TKT: variants seen among roughly 807,000 people sequenced by gnomAD.
TKT encodes epididymis luminal protein 107.
In TKT, 47 loss-of-function variants were observed where a neutral mutation model predicts 63.9. The ratio of observed to expected loss-of-function variants is 0.74; its 90% CI spans 0.58 to 0.94. The LOEUF (loss-of-function observed/expected upper bound fraction) is 0.94. Among genes scored for constraint, TKT ranks in the 40% least tolerant of loss-of-function variants. The pLI, the probability that TKT is intolerant of heterozygous loss-of-function variation, is 0.00. For missense variants in TKT, 721 were observed against 846.2 expected (o/e 0.85, Z 1.84); for synonymous variants, 338 against 334.1 (o/e 1.01, Z -0.13).
intron 1 of TKT, among the ~76,000 whole-genome samples, chr3:53,251,950 A>G (rs1374378022): frequency 6.6e-6 from 1 of 152,228 alleles, no homozygotes; most frequent in Non-Finnish European, 1.5e-5. Flanking sequence ...GACCAACCTC[A>G]ACATGGAGAA....
At chr3:53,232,838 C>T (rs1266098617) in intron 6 of TKT, 1 of 419,092 alleles carries the variant, frequency 2.4e-6, no homozygotes, top group East Asian at 3.7e-5. Context: ...ACAGCTGCAG[C>T]TCTGAAAGGC....
At chr3:53,255,258 G>A (rs1382451376) in intron 1 of TKT, among the ~76,000 whole-genome samples, 1 of 152,360 alleles carries the variant, frequency 6.6e-6, no homozygotes, top group South Asian at 2.1e-4. Context: ...CTGAGGTGGG[G>A]AGAAGGCCGG....
chr3:53,230,413 C>CCT, intron 8 of TKT, 44 bp downstream of exon 8: 2 of 1,612,838 alleles, frequency 1.2e-6, no homozygotes, highest in South Asian at 1.1e-5. Flanking sequence ...AGACCACAGC[C>CCT]CTCAGCCTTG....
At chr3:53,254,755 G>C (rs782082700) in intron 1 of TKT, among the ~76,000 whole-genome samples, 1 of 152,222 alleles carries the variant, frequency 6.6e-6, no homozygotes, top group Non-Finnish European at 1.5e-5. Context: ...AGAGCGGGAA[G>C]CAGGCTCTGA....
intron 3 of TKT, 117 bp downstream of exon 3, chr3:53,241,015 C>T: frequency 1.2e-6 from 1 of 834,584 alleles, no homozygotes; most frequent in Non-Finnish European, 1.8e-6. Context: ...ACTCAATGCC[C>T]TCCTCCGCCT....
chr3:53,250,279 A>AC (rs1459122595), intron 1 of TKT, among the ~76,000 whole-genome samples: 2 of 152,098 alleles, frequency 1.3e-5, no homozygotes, highest in East Asian at 3.9e-4. Flanking sequence ...GGGGCCAGAG[A>AC]CCCCAGGAGG....
Position 53,242,128 on chromosome 3 carries a change from G to T in TKT, c.222C>A (p.Ser74=). The change falls in exon 2 of 14, where the codon TCC becomes TCA. Residue 74 remains serine (S), a synonymous_variant. Transcript: ENST00000462138. The part of the protein sequence containing the change: ...RNPHNDRFVL[S]KGHAAPILYA... ...CAGTGGGCAGCTGGGCTCTTACCTTGGAGAGCACAAAGCGGTCATTGTGCG... is the reference window on the plus strand; with the variant it reads ...CAGTGGGCAGCTGGGCTCTTACCTTTGAGAGCACAAAGCGGTCATTGTGCG... 6.2e-7 allele frequency: 1 copy of T among 1,613,880 alleles called. No individual in the cohort carries two copies. Among genetic ancestry groups the T allele is most frequent in the Non-Finnish European group, 8.5e-7 (1 of 1,179,822 alleles).
At chr3:53,247,588 C>T (rs1037420160) in intron 1 of TKT, among the ~76,000 whole-genome samples, 44 of 128,542 alleles carry the variant, frequency 3.4e-4, no homozygotes, top group Non-Finnish European at 5.1e-4. Flanking sequence ...TGCAGTGAGC[C>T]GAGATCGCAC....
In TKT at chr3:53,231,374, A is replaced by AGCTGGGCAG; in HGVS notation, c.916_924dup (p.Leu306_Ser308dup). ...CTTTGTACCTTGTCCCCAACTTTGT[A>AGCTGGGCAG]GCTGGGCAGGCTGGGCATGCGGATG... is the stretch of plus-strand genomic sequence containing the variant. On this transcript the variant is annotated inframe_insertion, in exon 7 of 14. Transcript: ENST00000462138. 2.5e-6 allele frequency: 4 copies of AGCTGGGCAG among 1,613,570 alleles called. No individual in the cohort carries two copies. Among genetic ancestry groups the AGCTGGGCAG allele is most frequent in the Non-Finnish European group, 3.4e-6 (4 of 1,180,012 alleles).
rs1378990701 is a variant in TKT, at chr3:53,225,485, C to A, written c.*271G>T. 4 of 325,326 alleles carry A rather than the reference C, an allele frequency of 1.2e-5. No homozygotes were observed. The highest frequency in any genetic ancestry group is 2.3e-5 in the Non-Finnish European group (4 of 177,294). The allele number at this position is 325,326 out of a possible 1,614,324, so 20.2% of individuals were successfully genotyped here. On this transcript the variant is annotated 3_prime_UTR_variant, in exon 14 of 14. Transcript: ENST00000462138. Reference sequence around the variant, plus strand: ...TGATGAATGGGAGGCAGCGATAGTTCTGGAGGTTGAGGGCAGTTGCAGGTG... The same window carrying A: ...TGATGAATGGGAGGCAGCGATAGTTATGGAGGTTGAGGGCAGTTGCAGGTG...
rs1704484008 is a variant in TKT, at chr3:53,226,004, C to T, written c.1697-73G>A. The T allele has an allele frequency of 5.4e-6, 8 of 1,479,130 alleles. No individual in the cohort carries two copies. The South Asian group carries it at 9.1e-5, about 17-fold the overall frequency. The allele number at this position is 1,479,130 out of a possible 1,614,324, so 91.6% of individuals were successfully genotyped here. On this transcript the variant is annotated intron_variant, in intron 13 of 13. Coordinates refer to ENST00000462138, the MANE Select transcript of TKT (RefSeq NM_001064.4). ...AGTGGTGGGCCCAGCCCTCTGTCAGCCTTAGTCAAGGATGGAGGAGGCTGC... is the reference window on the plus strand; with the variant it reads ...AGTGGTGGGCCCAGCCCTCTGTCAGTCTTAGTCAAGGATGGAGGAGGCTGC...
intron 2 of TKT, among the ~76,000 whole-genome samples, chr3:53,241,470 G>T (rs1054253554): frequency 1.3e-5 from 2 of 152,248 alleles, no homozygotes; most frequent in Non-Finnish European, 2.9e-5. Context: ...ACTAAGACAG[G>T]TGCAGGGGGC....
chr3:53,254,649 T>C (rs1381255797), intron 1 of TKT, among the ~76,000 whole-genome samples: 1 of 152,208 alleles, frequency 6.6e-6, no homozygotes, highest in Non-Finnish European at 1.5e-5. Flanking sequence ...CCCGGAGCAC[T>C]GCTGGCACTG....
intron 1 of TKT, among the ~76,000 whole-genome samples, chr3:53,253,865 G>C (rs1705865491): frequency 6.6e-6 from 1 of 152,134 alleles, no homozygotes; most frequent in African/African-American, 2.4e-5. Flanking sequence ...GCCTCCCAAA[G>C]TGCTGTGATT....
intron 4 of TKT, among the ~76,000 whole-genome samples, chr3:53,238,589 G>C (rs938941350): frequency 1.3e-5 from 2 of 152,218 alleles, no homozygotes; most frequent in Non-Finnish European, 2.9e-5. Flanking sequence ...GTGGAGGACA[G>C]GGCAGTGGAG....
At chr3:53,226,684 G>A in intron 13 of TKT, 72 bp downstream of exon 13, 3 of 1,606,836 alleles carry the variant, frequency 1.9e-6, no homozygotes, top group Non-Finnish European at 2.6e-6. Flanking sequence ...GGCTCAGATA[G>A]AAGAGGCACG....
intron 4 of TKT, chr3:53,235,385 G>A (rs1390910532): frequency 4.2e-5 from 20 of 476,816 alleles, no homozygotes; most frequent in Non-Finnish European, 6.7e-5. Flanking sequence ...TGGCATGAAG[G>A]AAGACGTCAG....
At chr3:53,239,175 A>G (rs187949670) in intron 4 of TKT, among the ~76,000 whole-genome samples, 180 of 152,170 alleles carry the variant, frequency 1.2e-3, no homozygotes, top group African/African-American at 4.3e-3. Context: ...CTTACCTTCC[A>G]GCATGACTGT....
In TKT at chr3:53,251,619, C is replaced by T. The variant is rs117987289; in HGVS notation, c.107+4217G>A. On this transcript the variant is annotated intron_variant, in intron 1 of 13. Transcript: ENST00000462138. Reference sequence around the variant, plus strand: ...TAGGAATGGGAAAGCTATCGAGAAACGAGCCTGGGTCCTCACAGAATGTAC... The same window carrying T: ...TAGGAATGGGAAAGCTATCGAGAAATGAGCCTGGGTCCTCACAGAATGTAC... 6.8e-3 allele frequency among the ~76,000 whole-genome samples: 1,031 copies of T among 152,330 alleles called. 59 individuals are homozygous for T. In the South Asian group the frequency reaches 0.13, roughly 19 times the overall value.
Sources: allele counts gnomAD v4.1 joint callset (sites outside exome capture counted in the v4.1 genomes callset), GRCh38; gene constraint gnomAD v4.1.1; transcripts MANE v1.5; gene names NCBI Gene and HGNC (gene_info 2026-07-23, HGNC 2026-07-21).